Variants in PHF3 observed in about 807,000 individuals in gnomAD.
PHF3 encodes the protein PHD finger protein 3.
In PHF3, 41 loss-of-function variants were observed where a neutral mutation model predicts 178.4. That is an observed-to-expected ratio of 0.23 (90% CI 0.18 to 0.30). PHF3 has a LOEUF of 0.30. Among genes scored for constraint, PHF3 ranks in the 10% least tolerant of loss-of-function variants. PHF3 has a pLI of 1.00. For synonymous variants in PHF3, 842 were observed against 800.5 expected (o/e 1.05, Z -0.88); for missense variants, 2,346 against 2,398.1 (o/e 0.98, Z 0.45).
At chr6:63,638,741 T>C (rs1214246192) in intron 1 of PHF3, among the ~76,000 whole-genome samples, 2 of 152,114 alleles carry the variant, frequency 1.3e-5, no homozygotes, top group African/African-American at 4.8e-5. Flanking sequence ...TTATTTCTTC[T>C]TGGAGCACTC....
rs143049090 is a variant in PHF3, at chr6:63,662,324, C to T, written c.244+15529C>T. ...AGGAGAAGCTCCACAGCTTCAGACA[C>T]AAAGGAAGATCATTTTGGTATAATT... On this transcript the variant is annotated intron_variant, in intron 2 of 15. Coordinates refer to ENST00000262043, the MANE Select transcript of PHF3 (RefSeq NM_001370348.2). Among the ~76,000 whole-genome samples the T allele has an allele frequency of 2.1e-3, 314 of 152,250 alleles. 5 individuals are homozygous for T. In the East Asian group the frequency reaches 0.024, roughly 12 times the overall value.
At chr6:63,699,232 CTG>C (rs1318426465) in intron 8 of PHF3, among the ~76,000 whole-genome samples, 2 of 152,078 alleles carry the variant, frequency 1.3e-5, no homozygotes, top group East Asian at 3.9e-4. Flanking sequence ...AAGTAGGTCT[CTG>C]ATAAGTACAA....
intron 1 of PHF3, among the ~76,000 whole-genome samples, chr6:63,640,645 T>TAAAC (rs763187096): frequency 1.8e-4 from 28 of 152,092 alleles, no homozygotes; most frequent in African/African-American, 5.3e-4. Context: ...GGAGATAGCT[T>TAAAC]AAACAAACAA....
At position 63,715,817 on chromosome 6, in the gene PHF3, G is replaced by A. The variant is rs748200916; in HGVS notation, c.*2109G>A. 1.2e-4 allele frequency among the ~76,000 whole-genome samples: 18 copies of A among 152,026 alleles called. No individual in the cohort carries two copies. The highest frequency in any genetic ancestry group is 2.4e-4 in the Non-Finnish European group (16 of 67,996). On this transcript the variant is annotated 3_prime_UTR_variant, in exon 16 of 16. Coordinates refer to ENST00000262043, the MANE Select transcript of PHF3 (RefSeq NM_001370348.2). ...GAGGTTTTCCTTTTGAGGAAAAAAAGGGAAAATGAGCAGATTTTTCAATGA... is the reference window on the plus strand; with the variant it reads ...GAGGTTTTCCTTTTGAGGAAAAAAAAGGAAAATGAGCAGATTTTTCAATGA...
Position 63,680,454 on chromosome 6 carries a change from A to G in PHF3, c.406+293A>G, listed in dbSNP as rs182110100. 9.1e-5 allele frequency among the ~76,000 whole-genome samples: 12 copies of G among 132,344 alleles called. No homozygotes were observed. In the East Asian group the frequency reaches 2.6e-3, roughly 28 times the overall value. The allele number at this position is 132,344 out of a possible 152,430, so 86.8% of individuals were successfully genotyped here. A position where few individuals can be genotyped will look rare whatever the true frequency, so the allele number is the denominator to read the frequency against. ...ACCTTTATAGCTCTAGGTAACATGCATATGTTGCTGTTTTTTGATTATTCT... is the reference window on the plus strand; with the variant it reads ...ACCTTTATAGCTCTAGGTAACATGCGTATGTTGCTGTTTTTTGATTATTCT... On this transcript the variant is annotated intron_variant, in intron 3 of 15. Coordinates refer to ENST00000262043, the MANE Select transcript of PHF3 (RefSeq NM_001370348.2).
At chr6:63,643,298 T>C (rs1241547215) in intron 1 of PHF3, among the ~76,000 whole-genome samples, 2 of 152,204 alleles carry the variant, frequency 1.3e-5, no homozygotes, top group African/African-American at 4.8e-5. Context: ...CTGAAACTGA[T>C]TTTTAAAAAT....
intron 2 of PHF3, among the ~76,000 whole-genome samples, chr6:63,677,886 T>A (rs1026967314): frequency 6.6e-6 from 1 of 152,144 alleles, no homozygotes; most frequent in Non-Finnish European, 1.5e-5. Context: ...GTCTTAAAAT[T>A]TATGTATTTA....
At chr6:63,679,246 A>G (rs115810489) in intron 2 of PHF3, among the ~76,000 whole-genome samples, 1,815 of 152,180 alleles carry the variant, frequency 0.012, 31 homozygotes, top group African/African-American at 0.042. Flanking sequence ...TCTACACAGA[A>G]ATAAACCTAA....
intron 2 of PHF3, among the ~76,000 whole-genome samples, chr6:63,663,468 C>G (rs570772057): frequency 6.6e-6 from 1 of 152,260 alleles, no homozygotes; most frequent in East Asian, 1.9e-4. Context: ...AATCATAGAC[C>G]TAGACCTCCT....
Position 63,721,577 on chromosome 6 carries a change from AT to A in PHF3, c.*7872del, listed in dbSNP as rs1768392927. 6.4e-7 allele frequency: 1 copy of A among 1,551,588 alleles called. No homozygotes were observed. The highest frequency in any genetic ancestry group is 2.0e-5 in the Admixed American group (1 of 50,960). On this transcript the variant is annotated 3_prime_UTR_variant, in exon 16 of 16. Transcript: ENST00000262043. The stretch of plus-strand genomic sequence containing the variant: ...ATACTCCTCCAATATAGAAGTCTGT[AT>A]TTGTGTCCAGAGAACTCATTTTAGT...
At chr6:63,663,580 G>A (rs189480197) in intron 2 of PHF3, among the ~76,000 whole-genome samples, 2 of 152,170 alleles carry the variant, frequency 1.3e-5, no homozygotes, top group African/African-American at 4.8e-5. Context: ...AGTCTCTGTT[G>A]CCATCATGGA....
At position 63,722,995 on chromosome 6, in the gene PHF3, GTGTT is replaced by G. The variant is rs1193523272; in HGVS notation, c.*9290_*9293del. ...TGTAAGCTTTATGAGAACAGGGTCTGTGTTTGGTTTGGTCCAACAGTTGATTCCC... is the reference window on the plus strand; with the variant it reads ...TGTAAGCTTTATGAGAACAGGGTCTGTGGTTTGGTCCAACAGTTGATTCCC... On this transcript the variant is annotated 3_prime_UTR_variant, in exon 16 of 16. Coordinates refer to ENST00000262043, the MANE Select transcript of PHF3 (RefSeq NM_001370348.2). Among the ~76,000 whole-genome samples, 6 of 152,338 alleles carry G rather than the reference GTGTT, an allele frequency of 3.9e-5. No individual in the cohort carries two copies. The highest frequency in any genetic ancestry group is 1.4e-4 in the African/African-American group (6 of 41,574).
intron 6 of PHF3, among the ~76,000 whole-genome samples, chr6:63,695,896 G>T (rs920500212): frequency 4.6e-5 from 7 of 152,182 alleles, no homozygotes. Context: ...GCCATTATGA[G>T]ATTCCTATTA....
In PHF3 at chr6:63,723,723, T is replaced by C. The variant is rs915474338; in HGVS notation, c.*10015T>C. Among the ~76,000 whole-genome samples the C allele has an allele frequency of 1.3e-5, 2 of 151,748 alleles. No homozygotes were observed. Among genetic ancestry groups the C allele is most frequent in the Non-Finnish European group, 2.9e-5 (2 of 67,920 alleles). On this transcript the variant is annotated 3_prime_UTR_variant, in exon 16 of 16. Coordinates refer to ENST00000262043, the MANE Select transcript of PHF3 (RefSeq NM_001370348.2). The stretch of plus-strand genomic sequence containing the variant: ...AAAGCTGTATTAGCTTAAAAAATCA[T>C]AGACTTTTAAATTTCATTGCGTTAG...
chr6:63,668,348 T>C (rs991302183), intron 2 of PHF3, among the ~76,000 whole-genome samples: 5 of 151,806 alleles, frequency 3.3e-5, no homozygotes, highest in Non-Finnish European at 5.9e-5. Flanking sequence ...TCCCTCCCCC[T>C]TTTTTTTGAG....
At chr6:63,700,834 A>G (rs142240575) in intron 9 of PHF3, among the ~76,000 whole-genome samples, 1,812 of 152,256 alleles carry the variant, frequency 0.012, 31 homozygotes, top group African/African-American at 0.042. Context: ...CGCCCACCTC[A>G]GCCTCCCAAA....
chr6:63,638,781 G>A (rs1764455693), intron 1 of PHF3, among the ~76,000 whole-genome samples: 2 of 152,030 alleles, frequency 1.3e-5, no homozygotes, highest in Admixed American at 1.3e-4. Context: ...CTTTTCAGAA[G>A]GATAGACACT....
chr6:63,705,596 C>G (rs1044595707), intron 11 of PHF3, among the ~76,000 whole-genome samples: 5 of 152,204 alleles, frequency 3.3e-5, no homozygotes, highest in Non-Finnish European at 7.3e-5. Flanking sequence ...CCCCTCATCC[C>G]ACCGTCCATG....
intron 9 of PHF3, 103 bp downstream of exon 9, chr6:63,700,569 C>T: frequency 1.6e-6 from 1 of 612,516 alleles, no homozygotes; most frequent in Non-Finnish European, 3.0e-6. Context: ...TGCATAATAA[C>T]ACAGACTTTC....
Sources: allele counts gnomAD v4.1 joint callset (sites outside exome capture counted in the v4.1 genomes callset), GRCh38; gene constraint gnomAD v4.1.1; transcripts MANE v1.5; gene names NCBI Gene and HGNC (gene_info 2026-07-23, HGNC 2026-07-21).